S100A8: variants seen among roughly 807,000 people sequenced by gnomAD.
S100A8 encodes the protein S100 calcium binding protein A8.
S100A8 carries 1 observed loss-of-function variant against 4.2 expected under a neutral mutation model. The observed-to-expected ratio is 0.24, with a 90% CI of 0.08 to 1.12. S100A8 has a LOEUF of 1.12. S100A8 is among the 50% of genes most tolerant of loss of function. The pLI is 0.53. For synonymous variants in S100A8, 41 were observed against 44.7 expected (o/e 0.92, Z 0.33); for missense variants, 96 against 111.8 (o/e 0.86, Z 0.64).
the S100A8 span, among the ~76,000 whole-genome samples, chr1:153,404,893 G>A: frequency 6.6e-6 from 1 of 152,056 alleles, no homozygotes; most frequent in East Asian, 1.9e-4. Context: ...TGCCTCCGGC[G>A]ACAACCAGGG....
chr1:153,418,865 G>A, the S100A8 span, among the ~76,000 whole-genome samples: 1 of 152,132 alleles, frequency 6.6e-6, no homozygotes, highest in African/African-American at 2.4e-5. Flanking sequence ...TTGAGGCTGG[G>A]GCAGGGGACT....
At chr1:153,414,166 T>C in the S100A8 span, among the ~76,000 whole-genome samples, 1 of 152,216 alleles carries the variant, frequency 6.6e-6, no homozygotes. Flanking sequence ...TCCTAGATGG[T>C]AGCATAAGAG....
At chr1:153,418,292 G>C in the S100A8 span, 3 of 1,592,596 alleles carry the variant, frequency 1.9e-6, no homozygotes, top group Non-Finnish European at 2.6e-6. Context: ...TTTGCTATGT[G>C]GCCTTGGACA....
the S100A8 span, chr1:153,418,019 C>T: frequency 4.4e-6 from 7 of 1,605,042 alleles, no homozygotes; most frequent in African/African-American, 6.7e-5. Flanking sequence ...CACATAGAGA[C>T]CTTAATTCAA....
At chr1:153,411,706 G>T in the S100A8 span, among the ~76,000 whole-genome samples, 2 of 152,098 alleles carry the variant, frequency 1.3e-5, no homozygotes, top group Non-Finnish European at 2.9e-5. Context: ...AAAGTGGGAG[G>T]CATCACACTA....
the S100A8 span, among the ~76,000 whole-genome samples, chr1:153,410,185 C>A: frequency 6.6e-6 from 1 of 152,244 alleles, no homozygotes; most frequent in Middle Eastern, 3.4e-3. Context: ...ATCAATGAAT[C>A]CAGGAGCTGG....
At chr1:153,406,179 T>G in the S100A8 span, among the ~76,000 whole-genome samples, 1 of 152,180 alleles carries the variant, frequency 6.6e-6, no homozygotes, top group African/African-American at 2.4e-5. Flanking sequence ...ACACACTTTA[T>G]CTGAACCTTT....
the S100A8 span, among the ~76,000 whole-genome samples, chr1:153,402,100 T>C: frequency 6.6e-6 from 1 of 152,086 alleles, no homozygotes. Context: ...AGAAAAAGAA[T>C]AGGATTTGAG....
chr1:153,396,532 C>T, the S100A8 span: 1 of 153,004 alleles, frequency 6.5e-6, no homozygotes, highest in Non-Finnish European at 1.5e-5. Context: ...CTCCTGATAT[C>T]AAGGTCACAC....
the S100A8 span, among the ~76,000 whole-genome samples, chr1:153,399,068 G>A: frequency 0.082 from 12,551 of 152,134 alleles, 606 homozygotes; most frequent in Middle Eastern, 0.12. Flanking sequence ...CAATTCTCTT[G>A]GAAGAGGCAC....
the S100A8 span, among the ~76,000 whole-genome samples, chr1:153,399,212 A>C: frequency 1.3e-5 from 2 of 152,034 alleles, no homozygotes; most frequent in African/African-American, 2.4e-5. Flanking sequence ...CATCCCACCC[A>C]TCCTCAATGC....
the S100A8 span, among the ~76,000 whole-genome samples, chr1:153,402,117 G>A: frequency 6.6e-6 from 1 of 151,978 alleles, no homozygotes; most frequent in Non-Finnish European, 1.5e-5. Context: ...TGAGCATAGG[G>A]AGTCCCTAGG....
At chr1:153,419,246 C>T in the S100A8 span, 55 of 1,614,192 alleles carry the variant, frequency 3.4e-5, 2 homozygotes, top group African/African-American at 2.3e-4. Context: ...TGCTGGGAGA[C>T]ATAGCCGCAG....
At chr1:153,390,843 C>A (rs550020155) in intron 1 of S100A8, 198 bp downstream of exon 1, 2 of 480,456 alleles carry the variant, frequency 4.2e-6, no homozygotes, top group African/African-American at 2.0e-5. Flanking sequence ...GCCTAGGAGA[C>A]AATGTGCCCT....
At chr1:153,403,468 A>G in the S100A8 span, among the ~76,000 whole-genome samples, 4 of 152,092 alleles carry the variant, frequency 2.6e-5, no homozygotes, top group African/African-American at 7.2e-5. Context: ...TCTCTGCTCT[A>G]CCTCCTGTCG....
rs1210782672 is a variant in S100A8, at chr1:153,391,069, G to A, written c.-51C>T. On this transcript the variant is annotated 5_prime_UTR_variant, in exon 1 of 3. Transcript: ENST00000368733. ...GTCTTCTGAAAGACAGCTGACAAGA[G>A]ACATGCAGGGCTGAGAGGCAGCTCC... 1.0e-6 allele frequency: 1 copy of A among 986,422 alleles called. No individual in the cohort carries two copies. Among genetic ancestry groups the A allele is most frequent in the East Asian group, 1.1e-4 (1 of 8,836 alleles). The allele number at this position is 986,422 out of a possible 1,614,324, so 61.1% of individuals were successfully genotyped here.
At chr1:153,397,797 G>T in the S100A8 span, among the ~76,000 whole-genome samples, 1 of 152,154 alleles carries the variant, frequency 6.6e-6, no homozygotes, top group Non-Finnish European at 1.5e-5. Context: ...GGAGCTGGAG[G>T]CTTCCTGCCC....
chr1:153,409,253 C>T, the S100A8 span, among the ~76,000 whole-genome samples: 1 of 152,064 alleles, frequency 6.6e-6, no homozygotes, highest in Non-Finnish European at 1.5e-5. Context: ...GAGAGATACA[C>T]ATAGGCTCAA....
chr1:153,416,261 T>C, the S100A8 span, among the ~76,000 whole-genome samples: 1 of 152,104 alleles, frequency 6.6e-6, no homozygotes, highest in African/African-American at 2.4e-5. Context: ...TCCTGACCTG[T>C]TACTACACAT....
Sources: allele counts gnomAD v4.1 joint callset (sites outside exome capture counted in the v4.1 genomes callset), GRCh38; gene constraint gnomAD v4.1.1; transcripts MANE v1.5; gene names NCBI Gene and HGNC (gene_info 2026-07-23, HGNC 2026-07-21).